Variants in SETD5 observed in about 807,000 individuals in gnomAD.
The protein encoded by SETD5 is histone-lysine N-methyltransferase SETD5.
A neutral mutation model predicts 153.3 loss-of-function variants in SETD5; 44 were observed. The ratio of observed to expected loss-of-function variants is 0.29; its 90% confidence interval spans 0.23 to 0.37. The LOEUF (loss-of-function observed/expected upper bound fraction) is 0.37. SETD5 is among the 10% of genes least tolerant of loss of function. SETD5 has a pLI of 1.00. For synonymous variants in SETD5, 716 were observed against 645.2 expected, an observed-to-expected ratio of 1.11 and a Z score of -1.66; for missense variants, 1,544 against 1,768.0, an observed-to-expected ratio of 0.87 and a Z score of 2.27.
chr3:9,407,941 A>G (rs1283600726), intron 1 of SETD5, among the ~76,000 whole-genome samples: 1 of 152,156 alleles, frequency 6.6e-6, no homozygotes, highest in East Asian at 1.9e-4. Flanking sequence ...CAGAAATTGC[A>G]GTGAGCTGAG....
intron 17 of SETD5, among the ~76,000 whole-genome samples, chr3:9,454,760 A>G (rs1005930700): frequency 6.6e-6 from 1 of 152,024 alleles, no homozygotes; most frequent in African/African-American, 2.4e-5. Flanking sequence ...CAAAGGATGT[A>G]ATTGAAAGCA....
intron 9 of SETD5, 95 bp from the exon 10 acceptor site, chr3:9,442,033 C>T: frequency 2.4e-6 from 2 of 850,512 alleles, no homozygotes; most frequent in South Asian, 3.1e-5. Context: ...CAAAAGACTG[C>T]TGCTGCTTCT....
At chr3:9,451,312 C>T (rs2042600554) in intron 16 of SETD5, among the ~76,000 whole-genome samples, 1 of 152,204 alleles carries the variant, frequency 6.6e-6, no homozygotes. Flanking sequence ...GCTTTCTTCA[C>T]ATACATTATC....
intron 1 of SETD5, 94 bp from the exon 2 acceptor site, chr3:9,424,373 G>A (rs1351497513): frequency 6.6e-6 from 1 of 152,148 alleles, no homozygotes; most frequent in Non-Finnish European, 1.5e-5. Context: ...AAACAAGACA[G>A]TATACAGAAA....
At chr3:9,464,373 C>T in intron 17 of SETD5, 52 bp from the exon 18 acceptor site, 6 of 1,576,704 alleles carry the variant, frequency 3.8e-6, no homozygotes, top group Non-Finnish European at 5.2e-6. Flanking sequence ...TACTGTAGAG[C>T]CTTAAATTAA....
At chr3:9,465,270 A>T (rs779608549) in intron 18 of SETD5, among the ~76,000 whole-genome samples, 27 of 152,244 alleles carry the variant, frequency 1.8e-4, no homozygotes, top group Admixed American at 1.0e-3. Flanking sequence ...TGTATTCATG[A>T]GACAAATTTA....
Position 9,433,895 on chromosome 3 carries a change from C to T in SETD5, c.122C>T (p.Ser41Phe), listed in dbSNP as rs1575376985. 1 of 1,613,838 alleles carries T rather than the reference C, an allele frequency of 6.2e-7. No individual in the cohort carries two copies. Among genetic ancestry groups the T allele is most frequent in the Non-Finnish European group, 8.5e-7 (1 of 1,179,832 alleles). Reference protein sequence around the residue: ...SPAVNEKSVYSTHNYGTTQRH... With the variant: ...SPAVNEKSVYFTHNYGTTQRH... ...GCAGTTAATGAGAAGAGCGTGTATT[C>T]CACTCATAATTATGGGACCACTCAG... The change falls in exon 4 of 23, where the codon TCC becomes TTC. Residue 41 changes from serine (S) to phenylalanine (F), a missense_variant. By Grantham distance (155) the Ser-to-Phe change is radical. Around this residue, in one of 9 missense-constraint regions of SETD5, gnomAD observed 251 missense variants for 326.9 expected, o/e 0.77. Transcript: ENST00000402198.
chr3:9,424,473 A>G lies in SETD5; in HGVS notation c.-170A>G, dbSNP rs1188967248. The stretch of plus-strand genomic sequence containing the variant: ...TTGTCTCAACTTTTTCTAGGTCTTC[A>G]GAACTACTAGCAGATAATTTGGGGG... On this transcript the variant is annotated 5_prime_UTR_variant, in exon 2 of 23. Transcript: ENST00000402198. 6.6e-6 allele frequency: 1 copy of G among 152,202 alleles called. No homozygotes were observed. Among genetic ancestry groups the G allele is most frequent in the Non-Finnish European group, 1.5e-5 (1 of 68,024 alleles). The allele number at this position is 152,202 out of a possible 1,614,324, so 9.4% of individuals were successfully genotyped here. A position where few individuals can be genotyped will look rare whatever the true frequency, so the allele number is the denominator to read the frequency against.
intron 1 of SETD5, among the ~76,000 whole-genome samples, chr3:9,413,573 GGAT>G (rs2036923673): frequency 6.6e-6 from 1 of 151,648 alleles, no homozygotes; most frequent in Non-Finnish European, 1.5e-5. Context: ...TGAAGGAAGA[GGAT>G]GAATGTTTTT....
intron 1 of SETD5, among the ~76,000 whole-genome samples, chr3:9,421,461 T>C (rs1335246727): frequency 6.6e-6 from 1 of 152,104 alleles, no homozygotes; most frequent in African/African-American, 2.4e-5. Context: ...TTTCCTAGCA[T>C]ACTTTTCTTC....
rs34787440 is a variant in SETD5 at position 9,410,877 on chromosome 3, CT to C, written c.-177+12911del. Among the ~76,000 whole-genome samples the C allele has an allele frequency of 2.1e-3, 310 of 146,174 alleles. 1 individual carries two copies. The highest frequency in any genetic ancestry group is 6.6e-3 in the African/African-American group (261 of 39,818). ...AGAAACTTTCTCCAGTAAAAATTCT[CT>C]TTTTTTTTTTCTTTTTTTTCTTTTT... On this transcript the variant is annotated intron_variant, in intron 1 of 22. Coordinates refer to ENST00000402198, the MANE Select transcript of SETD5 (RefSeq NM_001080517.3).
At chr3:9,446,897 T>C (rs1358094566) in intron 13 of SETD5, among the ~76,000 whole-genome samples, 153 bp from the exon 14 acceptor site, 1 of 152,232 alleles carries the variant, frequency 6.6e-6, no homozygotes, top group Non-Finnish European at 1.5e-5. Flanking sequence ...AATGAAATAT[T>C]TTATTTTTAA....
chr3:9,398,746 AGAG>A (rs2034200585), intron 1 of SETD5, among the ~76,000 whole-genome samples: 3 of 152,358 alleles, frequency 2.0e-5, no homozygotes, highest in South Asian at 4.1e-4. Flanking sequence ...GGGAATGTGA[AGAG>A]GAGTGTAGGA....
At chr3:9,430,620 G>T (rs2039847309) in intron 3 of SETD5, 2 of 200,564 alleles carry the variant, frequency 1.0e-5, no homozygotes, top group Non-Finnish European at 1.8e-5. Flanking sequence ...CTGGTACTAT[G>T]TAGATTGTCT....
Position 9,475,532 on chromosome 3 carries a change from A to G in SETD5, c.3770A>G (p.Gln1257Arg), listed in dbSNP as rs754043387. The G allele has an allele frequency of 3.7e-6, 6 of 1,613,924 alleles. No homozygotes were observed. Among genetic ancestry groups the G allele is most frequent in the Non-Finnish European group, 5.1e-6 (6 of 1,179,864 alleles). The change falls in exon 23 of 23, where the codon CAG (glutamine) becomes CGG (arginine). Residue 1257 changes from glutamine (Q) to arginine (R), a missense_variant. Physicochemically the swap from Gln to Arg is conservative, Grantham distance 43. This residue lies in a region of SETD5 where 302 missense variants were observed against 277.6 expected (regional missense o/e 1.09). Transcript: ENST00000402198. ...ACAGAATCACAAAGCCTCCTTCAGC[A>G]GAGTTCCTCCCCCTTCAGAGGACAT... ...PRTESQSLLQ[Q>R]SSSPFRGHPT... is the part of the protein sequence containing the mutation.
At position 9,431,743 on chromosome 3, in the gene SETD5, G is replaced by C. The variant is rs150500553; in HGVS notation, c.72-2102G>C. ...GAAGTGCATATGTTCATATTTACCC[G>C]TTTGGAGATGGGTAAGATACAACCA... On this transcript the variant is annotated intron_variant, in intron 3 of 22. Coordinates refer to ENST00000402198, the MANE Select transcript of SETD5 (RefSeq NM_001080517.3). The C allele has an allele frequency of 5.1e-6, 5 of 982,906 alleles. No individual in the cohort carries two copies. The African/African-American group carries it at 7.0e-5, about 14-fold the overall frequency. 60.9% of individuals were successfully genotyped at this position (982,906 alleles called of 1,614,324 possible). A position where few individuals can be genotyped will look rare whatever the true frequency, so the allele number is the denominator to read the frequency against.
At chr3:9,409,717 C>G (rs962986426) in intron 1 of SETD5, among the ~76,000 whole-genome samples, 1 of 152,094 alleles carries the variant, frequency 6.6e-6, no homozygotes, top group Non-Finnish European at 1.5e-5. Context: ...GGCCTTGTTT[C>G]TAGATTTTTC....
intron 11 of SETD5, among the ~76,000 whole-genome samples, chr3:9,443,688 A>G (rs2041581147): frequency 6.6e-6 from 1 of 152,220 alleles, no homozygotes; most frequent in Admixed American, 6.5e-5. Flanking sequence ...AAATGGATAT[A>G]TATGTATGTA....
intron 1 of SETD5, among the ~76,000 whole-genome samples, chr3:9,401,373 G>A (rs754169152): frequency 4.6e-5 from 7 of 152,150 alleles, no homozygotes; most frequent in Non-Finnish European, 8.8e-5. Flanking sequence ...ATTTCCTGTT[G>A]TTTGGAACCT....
Sources: gnomAD v4.1 joint callset for allele counts (sites outside exome capture counted in the v4.1 genomes callset) on GRCh38, gnomAD v4.1.1 for gene constraint, gnomAD v4.1.1 regional missense constraint, MANE v1.5 for transcripts, NCBI Gene and HGNC (gene_info 2026-07-23, HGNC 2026-07-21) for gene names.